The following RBFOX1 variants were observed in gnomAD, a reference collection of about 807,000 sequenced individuals.
RBFOX1 encodes the protein RNA binding fox-1 homolog 1, also known as RNA binding protein fox-1 homolog 1.
A neutral mutation model predicts 57.7 loss-of-function variants in RBFOX1; 8 were observed. The ratio of observed to expected loss-of-function variants is 0.14; its 90% CI spans 0.08 to 0.25. The LOEUF is 0.25. Ranked by LOEUF, RBFOX1 falls within the 10% of genes least tolerant of loss-of-function variation. The probability of loss-of-function intolerance (pLI) is 1.00; values close to 1 mark genes in which losing one functional copy is unlikely to be tolerated. For missense variants in RBFOX1, 611 were observed against 548.5 expected, an observed-to-expected ratio of 1.11 and a Z score of -1.14; for synonymous variants, 326 against 222.4, an observed-to-expected ratio of 1.47 and a Z score of -4.15.
intron 2 of RBFOX1, among the ~76,000 whole-genome samples, chr16:6,549,519 A>AGGG (rs2096952563): frequency 2.3e-5 from 1 of 42,640 alleles, no homozygotes; most frequent in Non-Finnish European, 4.2e-5. Context: ...GAGGAGGAGG[A>AGGG]GAGGAGGGAG....
At chr16:5,996,670 A>C (rs1433526358) in intron 4 of RBFOX1, among the ~76,000 whole-genome samples, 1 of 152,082 alleles carries the variant, frequency 6.6e-6, no homozygotes, top group Non-Finnish European at 1.5e-5. Flanking sequence ...TGAAGGGGTA[A>C]GAGAGAGAGC....
At chr16:6,893,539 T>C (rs926244132) in intron 3 of RBFOX1, among the ~76,000 whole-genome samples, 5 of 152,148 alleles carry the variant, frequency 3.3e-5, no homozygotes, top group African/African-American at 1.2e-4. Flanking sequence ...AGTGGAGTTC[T>C]GAATCAAACC....
At chr16:6,692,771 A>C (rs753485332) in intron 3 of RBFOX1, among the ~76,000 whole-genome samples, 2 of 152,082 alleles carry the variant, frequency 1.3e-5, no homozygotes, top group Non-Finnish European at 2.9e-5. Context: ...TCTGGTATCA[A>C]CATCATCATC....
intron 1 of RBFOX1, among the ~76,000 whole-genome samples, chr16:5,384,669 G>A (rs956097794): frequency 2.0e-5 from 3 of 152,156 alleles, no homozygotes; most frequent in Non-Finnish European, 2.9e-5. Context: ...GATAGTTTTC[G>A]GAGAAGAGCA....
intron 4 of RBFOX1, among the ~76,000 whole-genome samples, chr16:7,410,262 A>C (rs2098410189): frequency 6.6e-6 from 1 of 152,228 alleles, no homozygotes; most frequent in South Asian, 2.1e-4. Context: ...CCTTAGACCA[A>C]CACAGCCACT....
intron 3 of RBFOX1, among the ~76,000 whole-genome samples, chr16:6,713,562 A>G (rs143013475): frequency 2.0e-5 from 3 of 152,018 alleles, no homozygotes; most frequent in African/African-American, 4.8e-5. Flanking sequence ...GACAACCACA[A>G]ATCTCTCCAG....
intron 3 of RBFOX1, among the ~76,000 whole-genome samples, chr16:6,826,395 T>G (rs2092142492): frequency 6.6e-6 from 1 of 152,188 alleles, no homozygotes; most frequent in Non-Finnish European, 1.5e-5. Context: ...TGGTACATAG[T>G]AAATACTCCA....
rs147183067 is a variant in RBFOX1 at position 6,537,238 on chromosome 16, C to T, written c.-63-117365C>T. ...TTCTAATAAGCTTCCAGGTGTTGTTCCTGATGCCGGTTCGTGCACCAGAAT... is the reference window on the plus strand; with the variant it reads ...TTCTAATAAGCTTCCAGGTGTTGTTTCTGATGCCGGTTCGTGCACCAGAAT... On this transcript the variant is annotated intron_variant, in intron 2 of 15. Transcript: ENST00000550418. Among the ~76,000 whole-genome samples the T allele has an allele frequency of 1.6e-4, 24 of 152,176 alleles. No individual in the cohort carries two copies. The East Asian group carries it at 4.3e-3, about 27-fold the overall frequency.
intron 9 of RBFOX1, among the ~76,000 whole-genome samples, chr16:7,598,360 C>G (rs1339603819): frequency 6.6e-6 from 1 of 152,088 alleles, no homozygotes; most frequent in African/African-American, 2.4e-5. Context: ...AATGGTTGTG[C>G]TGAATTGTGA....
At chr16:6,818,202 T>C (rs1019812159) in intron 3 of RBFOX1, among the ~76,000 whole-genome samples, 1 of 152,092 alleles carries the variant, frequency 6.6e-6, no homozygotes, top group East Asian at 1.9e-4. Flanking sequence ...GTTGGTCCTG[T>C]GACAGTTTGG....
rs373736678 is a variant in RBFOX1 at position 5,897,173 on chromosome 16, C to T, written c.351+29838C>T. Among the ~76,000 whole-genome samples, 896 of 151,828 alleles carry T rather than the reference C, an allele frequency of 5.9e-3. 6 individuals carry two copies. The highest frequency in any genetic ancestry group is 0.02 in the African/African-American group (827 of 41,380). The stretch of plus-strand genomic sequence containing the variant: ...GCCTCAGCCTCCCCAGTAGCTGGGA[C>T]TACAGGCGCCCGCCACCGCGCCCGG... On this transcript the variant is annotated intron_variant, in intron 4 of 19. Transcript: ENST00000641259.
At chr16:7,172,067 A>T (rs556166412) in intron 4 of RBFOX1, among the ~76,000 whole-genome samples, 2 of 151,888 alleles carry the variant, frequency 1.3e-5, no homozygotes, top group Admixed American at 6.6e-5. Flanking sequence ...GGCAATTTAG[A>T]AAAAAATATT....
chr16:6,987,344 G>A (rs1367869407), intron 3 of RBFOX1, among the ~76,000 whole-genome samples: 1 of 152,058 alleles, frequency 6.6e-6, no homozygotes, highest in Non-Finnish European at 1.5e-5. Flanking sequence ...GAGAACAAGA[G>A]AGAATGAGTA....
intron 3 of RBFOX1, among the ~76,000 whole-genome samples, chr16:5,632,963 G>C (rs1411010629): frequency 7.2e-6 from 1 of 139,232 alleles, no homozygotes; most frequent in East Asian, 2.1e-4. Flanking sequence ...TTTTGAGGTG[G>C]AGTCTCACTC....
rs552994593 is a variant in RBFOX1 at position 6,221,235 on chromosome 16, C to G, written c.-126-95760C>G. Among the ~76,000 whole-genome samples, 10 of 152,260 alleles carry G rather than the reference C, an allele frequency of 6.6e-5. No homozygotes were observed. In the South Asian group the frequency reaches 1.9e-3, roughly 28 times the overall value. On this transcript the variant is annotated intron_variant, in intron 1 of 15. Transcript: ENST00000550418. ...TAACTACTAGCAATGCATATAAATGCTAGTTTCTCTACATCCTCACCAGCC... is the reference window on the plus strand; with the variant it reads ...TAACTACTAGCAATGCATATAAATGGTAGTTTCTCTACATCCTCACCAGCC...
At chr16:6,312,813 T>C (rs552822084) in intron 1 of RBFOX1, among the ~76,000 whole-genome samples, 3 of 152,072 alleles carry the variant, frequency 2.0e-5, no homozygotes, top group African/African-American at 7.2e-5. Flanking sequence ...AAATATTTAC[T>C]GAATGTCTGC....
intron 1 of RBFOX1, among the ~76,000 whole-genome samples, chr16:6,171,667 T>A (rs1174104770): frequency 1.3e-5 from 2 of 152,170 alleles, no homozygotes; most frequent in African/African-American, 4.8e-5. Flanking sequence ...CAGCCTGGCC[T>A]AGAGCATAAG....
chr16:5,336,646 G>A (rs1026348490), intron 1 of RBFOX1, among the ~76,000 whole-genome samples: 1 of 152,180 alleles, frequency 6.6e-6, no homozygotes, highest in African/African-American at 2.4e-5. Context: ...GCTGCCCTTG[G>A]AGATAGGTAG....
At chr16:7,698,166 G>C (rs2079394176) in intron 14 of RBFOX1, among the ~76,000 whole-genome samples, 1 of 140,960 alleles carries the variant, frequency 7.1e-6, no homozygotes, top group Non-Finnish European at 1.5e-5. Context: ...AGTTGTTTTA[G>C]ACACAGAGTC....
Sources: gnomAD v4.1 joint callset for allele counts (sites outside exome capture counted in the v4.1 genomes callset) on GRCh38, gnomAD v4.1.1 for gene constraint, MANE v1.5 for transcripts, NCBI Gene and HGNC (gene_info 2026-07-23, HGNC 2026-07-21) for gene names.